The following COL22A1 variants were observed in gnomAD, a reference collection of about 807,000 sequenced individuals.
COL22A1 encodes the protein collagen alpha-1(XXII) chain.
Under a neutral mutation model 248.9 loss-of-function variants are expected in COL22A1, and 221 were observed. The ratio of observed to expected loss-of-function variants is 0.89; its 90% confidence interval spans 0.80 to 0.99. COL22A1 has a LOEUF of 0.99. Ranked by LOEUF, COL22A1 falls within the 50% of genes least tolerant of loss-of-function variation. The pLI, the probability that COL22A1 is intolerant of heterozygous loss-of-function variation, is 0.00. For missense variants in COL22A1, 2,240 were observed against 2,179.0 expected (o/e 1.03, Z -0.56); for synonymous variants, 891 against 793.4 (o/e 1.12, Z -2.07).
In COL22A1 at chr8:138,716,200, T is replaced by C. The variant is rs562850140; in HGVS notation, c.2463+27A>G. On this transcript the variant is annotated intron_variant, in intron 29 of 64. Transcript: ENST00000303045. ...TGTGGAGATGGGCGAGGTTCCTGTGTGGGAGGAAGGAAGCTGCCACACTTA... is the reference window on the plus strand; with the variant it reads ...TGTGGAGATGGGCGAGGTTCCTGTGCGGGAGGAAGGAAGCTGCCACACTTA... 2.6e-5 allele frequency: 41 copies of C among 1,555,748 alleles called. No individual in the cohort carries two copies. The South Asian group carries it at 4.6e-4, about 17-fold the overall frequency.
intron 59 of COL22A1, among the ~76,000 whole-genome samples, chr8:138,603,999 A>G (rs1279451819): frequency 6.6e-6 from 1 of 152,212 alleles, no homozygotes; most frequent in Non-Finnish European, 1.5e-5. Flanking sequence ...AGCAGAACAG[A>G]GCAGGGTGCT....
chr8:138,697,213 T>A (rs1031994731), intron 32 of COL22A1, among the ~76,000 whole-genome samples: 8 of 152,178 alleles, frequency 5.3e-5, no homozygotes, highest in Non-Finnish European at 8.8e-5. Flanking sequence ...TAAGTTTGGC[T>A]GGCTTCCATC....
chr8:138,773,982 G>A (rs1834608320), intron 16 of COL22A1, among the ~76,000 whole-genome samples: 1 of 152,178 alleles, frequency 6.6e-6, no homozygotes, highest in Non-Finnish European at 1.5e-5. Flanking sequence ...CAGCACCAGA[G>A]CTGCACAGCA....
intron 55 of COL22A1, among the ~76,000 whole-genome samples, chr8:138,614,760 G>A (rs1819179124): frequency 6.6e-6 from 1 of 152,174 alleles, no homozygotes; most frequent in African/African-American, 2.4e-5. Context: ...TTAGGTGTAT[G>A]CACAGGGCTC....
chr8:138,759,848 AAAG>A (rs1833305107), intron 18 of COL22A1, among the ~76,000 whole-genome samples: 1 of 152,210 alleles, frequency 6.6e-6, no homozygotes, highest in South Asian at 2.1e-4. Flanking sequence ...GAGAAGGAGA[AAAG>A]AAGAGGAAGA....
chr8:138,716,160 C>A, intron 29 of COL22A1, 67 bp downstream of exon 29: 2 of 1,268,386 alleles, frequency 1.6e-6, no homozygotes, highest in Admixed American at 2.2e-5. Flanking sequence ...TGAGACTCCA[C>A]AGGGGGCTGC....
intron 31 of COL22A1, among the ~76,000 whole-genome samples, chr8:138,701,285 G>A (rs1296895425): frequency 6.6e-6 from 1 of 152,058 alleles, no homozygotes; most frequent in South Asian, 2.1e-4. Flanking sequence ...CCACTGTAGG[G>A]TTAGTTTATC....
At position 138,655,953 on chromosome 8, in the gene COL22A1, A is replaced by T; in HGVS notation, c.3286-9T>A. ...AGTAGTGAAGAGAGGCCCTGTCAAA[A>T]TAAAAAGAAACAAACACATACGTAC... On this transcript the variant is annotated splice_polypyrimidine_tract_variant and intron_variant, in intron 44 of 64. Transcript: ENST00000303045. 6.2e-7 allele frequency: 1 copy of T among 1,609,488 alleles called. No homozygotes were observed.
intron 47 of COL22A1, among the ~76,000 whole-genome samples, chr8:138,640,559 C>A (rs1016189208): frequency 3.3e-5 from 5 of 152,040 alleles, no homozygotes; most frequent in African/African-American, 1.2e-4. Flanking sequence ...CAACTAAAAT[C>A]CTACCTCCTC....
At chr8:138,629,260 G>A (rs576639698) in intron 50 of COL22A1, among the ~76,000 whole-genome samples, 22 of 152,216 alleles carry the variant, frequency 1.4e-4, no homozygotes, top group East Asian at 1.2e-3. Flanking sequence ...AGGTTCAAGC[G>A]ATTCTCCTGC....
At chr8:138,663,092 G>T (rs548219220) in intron 42 of COL22A1, among the ~76,000 whole-genome samples, 7 of 151,464 alleles carry the variant, frequency 4.6e-5, no homozygotes, top group East Asian at 1.9e-4. Context: ...TTTAAAATAC[G>T]TTCACATGGC....
chr8:138,796,389 C>CTTTTTT (rs11284610), intron 12 of COL22A1, among the ~76,000 whole-genome samples: 18 of 26,314 alleles, frequency 6.8e-4, no homozygotes, highest in African/African-American at 9.4e-4. Flanking sequence ...TGCTACTTTC[C>CTTTTTT]TTTTTTTTTT....
chr8:138,847,784 T>C (rs1250422982), intron 3 of COL22A1, among the ~76,000 whole-genome samples: 3 of 149,006 alleles, frequency 2.0e-5, no homozygotes, highest in Admixed American at 2.0e-4. Flanking sequence ...CAATCCTAGG[T>C]GGGAGGCATA....
At chr8:138,685,183 C>A (rs745386070) in intron 38 of COL22A1, 25 bp downstream of exon 38, 3 of 1,493,064 alleles carry the variant, frequency 2.0e-6, no homozygotes, top group African/African-American at 1.4e-5. Context: ...TCTACAGGCA[C>A]TGGGACCCCC....
intron 50 of COL22A1, among the ~76,000 whole-genome samples, chr8:138,627,101 TA>T (rs201054430): frequency 0.015 from 2,215 of 152,262 alleles, 53 homozygotes; most frequent in African/African-American, 0.05. Flanking sequence ...ATAACCAGGA[TA>T]AAACAAAATA....
chr8:138,825,911 A>G (rs77228529), intron 6 of COL22A1: 2 of 152,320 alleles, frequency 1.3e-5, no homozygotes, highest in Non-Finnish European at 2.9e-5. Flanking sequence ...TTTTATCTCA[A>G]ACCAACAGAT....
chr8:138,862,018 G>C lies in COL22A1; in HGVS notation c.658+15732C>G, dbSNP rs757564090. Among the ~76,000 whole-genome samples, 210 of 97,220 alleles carry C rather than the reference G, an allele frequency of 2.2e-3. 1 individual carries two copies. The highest frequency in any genetic ancestry group is 6.2e-3 in the South Asian group (15 of 2,430). The allele number at this position is 97,220 out of a possible 152,430, so 63.8% of individuals were successfully genotyped here. On this transcript the variant is annotated intron_variant, in intron 3 of 64. Transcript: ENST00000303045. ...AGCCTGGCCAACATGGTGAAACCCT[G>C]TCTCTACTAAAAAAAAAAAAAAAAA...
chr8:138,859,824 G>A (rs977964717), intron 3 of COL22A1, among the ~76,000 whole-genome samples: 21 of 152,162 alleles, frequency 1.4e-4, no homozygotes, highest in African/African-American at 9.6e-5. Flanking sequence ...GCTGTGAGCC[G>A]CCGCTGCATC....
chr8:138,827,518 G>C (rs920665944), intron 5 of COL22A1, among the ~76,000 whole-genome samples: 2 of 151,766 alleles, frequency 1.3e-5, no homozygotes. Flanking sequence ...TTGTCATGGC[G>C]GCCAGAATAG....
Sources: gnomAD v4.1 joint callset for allele counts (sites outside exome capture counted in the v4.1 genomes callset) on GRCh38, gnomAD v4.1.1 for gene constraint, MANE v1.5 for transcripts, NCBI Gene and HGNC (gene_info 2026-07-23, HGNC 2026-07-21) for gene names.